The following MEIKIN variants were observed in gnomAD, a reference collection of about 807,000 sequenced individuals.
MEIKIN encodes the protein meiotic kinetochore factor.
rs975062483 is a variant in MEIKIN, at chr5:131,847,869, T to C, written c.975+3395A>G. ...ATGAAGTCATTAAAAAAAACCAGAGTTTGTGAAACTGAAAAATTCAACAAA... is the reference window on the plus strand; with the variant it reads ...ATGAAGTCATTAAAAAAAACCAGAGCTTGTGAAACTGAAAAATTCAACAAA... On this transcript the variant is annotated intron_variant, in intron 11 of 12. Transcript: ENST00000442687. Among the ~76,000 whole-genome samples the C allele has an allele frequency of 2.2e-5, 3 of 138,734 alleles. No homozygotes were observed. The Admixed American group carries it at 2.2e-4, about 10-fold the overall frequency. 91.0% of individuals were successfully genotyped at this position (138,734 alleles called of 152,430 possible).
chr5:131,928,377 T>C (rs1751626151), intron 5 of MEIKIN, among the ~76,000 whole-genome samples: 1 of 152,222 alleles, frequency 6.6e-6, no homozygotes, highest in Non-Finnish European at 1.5e-5. Flanking sequence ...GCTTTTTGTA[T>C]ATATCGATAA....
intron 4 of MEIKIN, among the ~76,000 whole-genome samples, chr5:131,941,197 C>T (rs1302326249): frequency 8.3e-6 from 1 of 121,136 alleles, no homozygotes; most frequent in Non-Finnish European, 1.6e-5. Context: ...TCGCTGTTGT[C>T]CCCCAGGCTG....
At chr5:131,879,472 C>T (rs918116635) in intron 8 of MEIKIN, among the ~76,000 whole-genome samples, 1 of 152,116 alleles carries the variant, frequency 6.6e-6, no homozygotes, top group South Asian at 2.1e-4. Flanking sequence ...TGTACAGTGG[C>T]GAAGCCTCGG....
chr5:131,835,829 G>C (rs1431520562), intron 11 of MEIKIN, among the ~76,000 whole-genome samples: 1 of 152,184 alleles, frequency 6.6e-6, no homozygotes, highest in Non-Finnish European at 1.5e-5. Context: ...TCCTGACCTT[G>C]TGATCTGCCT....
chr5:131,909,386 C>T (rs1465421712), intron 8 of MEIKIN, among the ~76,000 whole-genome samples: 2 of 152,148 alleles, frequency 1.3e-5, no homozygotes, highest in African/African-American at 4.8e-5. Context: ...AAACTAGACC[C>T]TTGTCTGTTG....
chr5:131,873,270 C>A (rs919134005), intron 9 of MEIKIN, among the ~76,000 whole-genome samples: 3 of 152,042 alleles, frequency 2.0e-5, no homozygotes, highest in African/African-American at 4.8e-5. Flanking sequence ...CATGCAGAGA[C>A]ACACATAGGC....
At chr5:131,916,815 C>G (rs902310368) in intron 7 of MEIKIN, 71 bp downstream of exon 7, 3 of 393,836 alleles carry the variant, frequency 7.6e-6, no homozygotes, top group African/African-American at 6.2e-5. Flanking sequence ...GACTAACAAT[C>G]ATATTTGCTA....
intron 11 of MEIKIN, among the ~76,000 whole-genome samples, chr5:131,835,506 C>T (rs934645172): frequency 1.3e-5 from 2 of 152,132 alleles, no homozygotes; most frequent in Non-Finnish European, 2.9e-5. Context: ...TCAGGTCTTA[C>T]ATTTAAGTCT....
chr5:131,868,127 T>C (rs913559762), intron 9 of MEIKIN, among the ~76,000 whole-genome samples: 6 of 152,232 alleles, frequency 3.9e-5, no homozygotes, highest in Non-Finnish European at 7.3e-5. Flanking sequence ...TCTCACTCTG[T>C]TGCCCAGGCT....
chr5:131,880,404 AT>A (rs57737828), intron 8 of MEIKIN, among the ~76,000 whole-genome samples: 104,425 of 134,880 alleles, frequency 0.77, 39,698 homozygotes, highest in Middle Eastern at 0.83. Context: ...TGCCCGGCCT[AT>A]TTTTTTTTTT....
chr5:131,860,116 G>A (rs764039122), intron 9 of MEIKIN, among the ~76,000 whole-genome samples: 1 of 152,056 alleles, frequency 6.6e-6, no homozygotes, highest in African/African-American at 2.4e-5. Flanking sequence ...GTTAGAGATT[G>A]CACTGAATCT....
chr5:131,934,208 G>A (rs895827062), intron 4 of MEIKIN, among the ~76,000 whole-genome samples: 1 of 149,914 alleles, frequency 6.7e-6, no homozygotes. Flanking sequence ...TGATCCACCT[G>A]CCTCGGCCTC....
chr5:131,929,563 C>G lies in MEIKIN; in HGVS notation c.478+3950G>C, dbSNP rs141985767. Among the ~76,000 whole-genome samples the G allele has an allele frequency of 3.6e-3, 553 of 152,132 alleles. 2 individuals are homozygous for G. Among genetic ancestry groups the G allele is most frequent in the African/African-American group, 0.013 (538 of 41,506 alleles). On this transcript the variant is annotated intron_variant, in intron 5 of 12. Coordinates refer to ENST00000442687, the MANE Select transcript of MEIKIN (RefSeq NM_001303622.2). ...ATTTTTATTTTAGATATAGGGGGTA[C>G]AGATGCACATTTGTTACATGGGAAA... is the stretch of plus-strand genomic sequence containing the variant.
intron 8 of MEIKIN, among the ~76,000 whole-genome samples, chr5:131,891,208 C>T (rs190486669): frequency 4.6e-5 from 7 of 151,954 alleles, no homozygotes; most frequent in African/African-American, 1.5e-4. Flanking sequence ...TTTGGGGTGG[C>T]GAGTTCTGTA....
At chr5:131,884,367 G>A (rs1750742055) in intron 8 of MEIKIN, among the ~76,000 whole-genome samples, 1 of 151,864 alleles carries the variant, frequency 6.6e-6, no homozygotes, top group South Asian at 2.1e-4. Context: ...CCACAGCAGG[G>A]TAGGGTACCA....
intron 8 of MEIKIN, among the ~76,000 whole-genome samples, chr5:131,880,962 A>C (rs1750693100): frequency 6.6e-6 from 1 of 152,226 alleles, no homozygotes. Context: ...TTAGAATTCA[A>C]ATTTAACTGG....
At chr5:131,913,199 A>G (rs1751358113) in intron 7 of MEIKIN, among the ~76,000 whole-genome samples, 2 of 152,142 alleles carry the variant, frequency 1.3e-5, no homozygotes, top group African/African-American at 2.4e-5. Flanking sequence ...GCCTTTGATG[A>G]TGGAACCTCC....
chr5:131,849,080 T>TAA (rs1276074913), intron 11 of MEIKIN, among the ~76,000 whole-genome samples: 1 of 152,220 alleles, frequency 6.6e-6, no homozygotes, highest in Non-Finnish European at 1.5e-5. Context: ...AAGCCATTGA[T>TAA]ACGGTTTGGA....
intron 11 of MEIKIN, among the ~76,000 whole-genome samples, chr5:131,848,118 A>T (rs1352061764): frequency 6.6e-6 from 1 of 152,142 alleles, no homozygotes; most frequent in Non-Finnish European, 1.5e-5. Flanking sequence ...AACTTAAGGA[A>T]CTAGAAAAGA....
Sources: gnomAD v4.1 joint callset for allele counts (sites outside exome capture counted in the v4.1 genomes callset) on GRCh38, gnomAD v4.1.1 for gene constraint, MANE v1.5 for transcripts, NCBI Gene and HGNC (gene_info 2026-07-23, HGNC 2026-07-21) for gene names.